Variants in PTK2 observed in about 807,000 individuals in gnomAD.
PTK2 encodes focal adhesion kinase 1.
In PTK2, 45 loss-of-function variants were observed where a neutral mutation model predicts 150.1. The observed-to-expected ratio is 0.30, with a 90% CI of 0.24 to 0.38. PTK2 has a LOEUF of 0.38. Ranked by LOEUF, PTK2 falls within the 10% of genes least tolerant of loss-of-function variation. The pLI is 1.00. For synonymous variants in PTK2, 432 were observed against 449.2 expected, an observed-to-expected ratio of 0.96 and a Z score of 0.48; for missense variants, 919 against 1,307.3, an observed-to-expected ratio of 0.70 and a Z score of 4.58.
chr8:140,808,217 C>A (rs144234531), intron 10 of PTK2, among the ~76,000 whole-genome samples: 1 of 152,014 alleles, frequency 6.6e-6, no homozygotes, highest in East Asian at 1.9e-4. Context: ...AAAGAGTGGG[C>A]AGAACTGAAG....
At chr8:140,870,980 G>A (rs1201672782) in intron 4 of PTK2, among the ~76,000 whole-genome samples, 1 of 151,956 alleles carries the variant, frequency 6.6e-6, no homozygotes, top group South Asian at 2.1e-4. Context: ...GGGTGGGGTG[G>A]TGGGCTCCTA....
At chr8:140,953,173 G>T (rs2154609163) in intron 1 of PTK2, among the ~76,000 whole-genome samples, 1 of 152,252 alleles carries the variant, frequency 6.6e-6, no homozygotes, top group South Asian at 2.1e-4. Context: ...CCACTTATCT[G>T]CAGGGGATAT....
intron 3 of PTK2, among the ~76,000 whole-genome samples, chr8:140,886,510 G>A (rs542791048): frequency 5.3e-5 from 8 of 152,248 alleles, no homozygotes; most frequent in Middle Eastern, 3.4e-3. Flanking sequence ...AAGAGACTAC[G>A]GGGACATTAA....
At chr8:140,939,874 G>C (rs149768184) in intron 1 of PTK2, among the ~76,000 whole-genome samples, 1 of 152,156 alleles carries the variant, frequency 6.6e-6, no homozygotes, top group African/African-American at 2.4e-5. Context: ...AAAAGGGAGA[G>C]ACTGAGTTAC....
chr8:140,728,124 G>A (rs1006035574), intron 22 of PTK2, among the ~76,000 whole-genome samples: 25 of 70,120 alleles, frequency 3.6e-4, no homozygotes, highest in African/African-American at 1.4e-3. Flanking sequence ...GCTTGAAGCA[G>A]GGAGGTGGTG....
At chr8:140,951,813 G>T (rs2100179635) in intron 1 of PTK2, among the ~76,000 whole-genome samples, 1 of 151,704 alleles carries the variant, frequency 6.6e-6, no homozygotes. Flanking sequence ...GAGCCCAGGA[G>T]TTCAGAAGCT....
Position 140,889,852 on chromosome 8 carries a change from C to T in PTK2, c.195+691G>A, listed in dbSNP as rs575439501. Among the ~76,000 whole-genome samples the T allele has an allele frequency of 9.2e-5, 14 of 152,286 alleles. No individual in the cohort carries two copies. In the South Asian group the frequency reaches 2.9e-3, roughly 32 times the overall value. On this transcript the variant is annotated intron_variant, in intron 3 of 31. Coordinates refer to ENST00000522684, the Ensembl canonical transcript of PTK2. ...CCCCACCTTCAGAAAGATGTAGTTACCTTTGCCTAGCATGCTCTTCTCCCA... is the reference window on the plus strand; with the variant it reads ...CCCCACCTTCAGAAAGATGTAGTTATCTTTGCCTAGCATGCTCTTCTCCCA...
exon 5 of PTK2, chr8:140,864,343 T>C: frequency 1.9e-6 from 3 of 1,599,296 alleles, no homozygotes; most frequent in East Asian, 2.3e-5. Flanking sequence ...AGTTGGCTTA[T>C]CTTCAGTAAA....
At chr8:140,914,092 A>G (rs1207593515) in intron 2 of PTK2, among the ~76,000 whole-genome samples, 2 of 152,220 alleles carry the variant, frequency 1.3e-5, no homozygotes, top group Non-Finnish European at 2.9e-5. Context: ...ATATAAAATA[A>G]AAATACAAAT....
chr8:140,962,298 A>T (rs1376149477), intron 1 of PTK2, among the ~76,000 whole-genome samples: 2 of 115,662 alleles, frequency 1.7e-5, no homozygotes, highest in Non-Finnish European at 3.5e-5. Context: ...GAAGGGAGGG[A>T]GGGAGGGAAA....
intron 1 of PTK2, among the ~76,000 whole-genome samples, chr8:140,953,591 C>G (rs10088980): frequency 0.42 from 63,472 of 152,000 alleles, 15,173 homozygotes; most frequent in Non-Finnish European, 0.55. Flanking sequence ...ACTCAGAATG[C>G]CGCACAATTT....
intron 5 of PTK2, among the ~76,000 whole-genome samples, chr8:140,851,377 G>A (rs747541085): frequency 1.7e-4 from 26 of 152,014 alleles, no homozygotes; most frequent in African/African-American, 2.2e-4. Flanking sequence ...ACTATCATGC[G>A]CCAGGATATT....
chr8:140,839,117 G>C (rs1006324035), intron 7 of PTK2, among the ~76,000 whole-genome samples: 4 of 152,154 alleles, frequency 2.6e-5, no homozygotes, highest in Non-Finnish European at 5.9e-5. Context: ...AAACATGCCG[G>C]TTTCTAGGAC....
At chr8:140,898,254 G>A (rs2100157090) in intron 2 of PTK2, among the ~76,000 whole-genome samples, 1 of 152,182 alleles carries the variant, frequency 6.6e-6, no homozygotes, top group Non-Finnish European at 1.5e-5. Context: ...GTGTCTAGAT[G>A]CTTACACCAA....
chr8:140,836,059 TG>T (rs1355576784), intron 7 of PTK2, among the ~76,000 whole-genome samples: 10 of 151,842 alleles, frequency 6.6e-5, no homozygotes, highest in Admixed American at 6.5e-4. Context: ...CTGGAATAAC[TG>T]GGTAAATAAT....
chr8:140,975,360 C>T (rs955479060), intron 1 of PTK2, among the ~76,000 whole-genome samples: 1 of 152,182 alleles, frequency 6.6e-6, no homozygotes, highest in Non-Finnish European at 1.5e-5. Flanking sequence ...TTTGATCCTG[C>T]CCAGTATCGA....
At chr8:140,964,050 G>A (rs2100184337) in intron 1 of PTK2, among the ~76,000 whole-genome samples, 1 of 152,012 alleles carries the variant, frequency 6.6e-6, no homozygotes, top group Admixed American at 6.6e-5. Flanking sequence ...CCTTCTGCCT[G>A]GTAGGTTCTT....
intron 21 of PTK2, among the ~76,000 whole-genome samples, chr8:140,736,106 T>C (rs1454191794): frequency 3.9e-5 from 6 of 152,270 alleles, no homozygotes; most frequent in African/African-American, 2.4e-5. Context: ...ACTTTCTTAG[T>C]ATCTTCTGAA....
rs541755380 is a variant in PTK2 at position 140,997,195 on chromosome 8, G to A, written c.-122+3930C>T. ...TGGAACCTGATGATGTGACTGAATT[G>A]CTGCAATCTCATGATAAAACTTGAA... On this transcript the variant is annotated intron_variant, in intron 1 of 31. Coordinates refer to ENST00000522684, the Ensembl canonical transcript of PTK2. Among the ~76,000 whole-genome samples the A allele has an allele frequency of 2.6e-5, 4 of 152,344 alleles. No homozygotes were observed. In the South Asian group the frequency reaches 8.3e-4, roughly 32 times the overall value.
Sources: gnomAD v4.1 joint callset for allele counts (sites outside exome capture counted in the v4.1 genomes callset) on GRCh38, gnomAD v4.1.1 for gene constraint, MANE v1.5 for transcripts, NCBI Gene and HGNC (gene_info 2026-07-23, HGNC 2026-07-21) for gene names.